GABRA4: variants seen among roughly 807,000 people sequenced by gnomAD.
GABRA4 encodes gamma-aminobutyric acid receptor subunit alpha-4.
Under a neutral mutation model 49.7 loss-of-function variants are expected in GABRA4, and 12 were observed. The observed-to-expected ratio is 0.24, with a 90% CI of 0.15 to 0.39. GABRA4 has a LOEUF of 0.39. Ranked by LOEUF, GABRA4 falls within the 10% of genes least tolerant of loss-of-function variation. The pLI is 1.00. For synonymous variants in GABRA4, 288 were observed against 240.2 expected (o/e 1.20, Z -1.84); for missense variants, 506 against 686.0 (o/e 0.74, Z 2.93).
At chr4:46,971,062 C>A in intron 7 of GABRA4, 21 bp downstream of exon 7, 1 of 1,594,428 alleles carries the variant, frequency 6.3e-7, no homozygotes, top group South Asian at 1.1e-5. Flanking sequence ...CAAAAACGCC[C>A]AAGAAATGAA....
intron 2 of GABRA4, among the ~76,000 whole-genome samples, chr4:46,983,062 G>T (rs1331137848): frequency 6.6e-6 from 1 of 152,004 alleles, no homozygotes; most frequent in Admixed American, 6.6e-5. Flanking sequence ...CTCCAAAGGC[G>T]CTATCCTCAT....
intron 8 of GABRA4, among the ~76,000 whole-genome samples, chr4:46,931,450 A>G (rs957745282): frequency 6.6e-6 from 1 of 152,124 alleles, no homozygotes; most frequent in Non-Finnish European, 1.5e-5. Flanking sequence ...GTTCTAGACC[A>G]GTATGCTTCT....
chr4:46,942,601 GGCGA>G (rs1217247995), intron 8 of GABRA4, among the ~76,000 whole-genome samples: 4 of 150,538 alleles, frequency 2.7e-5, no homozygotes, highest in Non-Finnish European at 5.9e-5. Flanking sequence ...CTCCAGCCTG[GGCGA>G]CAGAGTGAGA....
intron 2 of GABRA4, among the ~76,000 whole-genome samples, chr4:46,981,682 G>A (rs1249745154): frequency 6.6e-6 from 1 of 152,120 alleles, no homozygotes; most frequent in East Asian, 1.9e-4. Context: ...AGGGCAGTCA[G>A]AGTATAAATA....
chr4:46,929,602 G>A (rs1512137), intron 8 of GABRA4, among the ~76,000 whole-genome samples: 15,798 of 152,010 alleles, frequency 0.1, 972 homozygotes, highest in South Asian at 0.23. Context: ...AATATTGACA[G>A]CCACAATAAA....
chr4:46,971,722 A>G (rs1722954028), intron 6 of GABRA4, among the ~76,000 whole-genome samples: 1 of 150,754 alleles, frequency 6.6e-6, no homozygotes, highest in South Asian at 2.1e-4. Context: ...ATATAAATAT[A>G]TTTAAATTTC....
Position 46,993,015 on chromosome 4 carries a change from A to C in GABRA4, c.87-69T>G, listed in dbSNP as rs1211787111. 3.3e-6 allele frequency: 4 copies of C among 1,218,992 alleles called. No homozygotes were observed. In the African/African-American group the frequency reaches 4.5e-5, roughly 14 times the overall value. The allele number at this position is 1,218,992 out of a possible 1,614,324, so 75.5% of individuals were successfully genotyped here. On this transcript the variant is annotated intron_variant, in intron 1 of 8. Transcript: ENST00000264318. Reference sequence around the variant, plus strand: ...TAAGAATCCATCAGAGAACAGGTGCAAACAGGTTTGTTTTCTAGGGAAAGA... The same window carrying C: ...TAAGAATCCATCAGAGAACAGGTGCCAACAGGTTTGTTTTCTAGGGAAAGA...
chr4:46,989,826 G>A (rs1723680797), intron 2 of GABRA4, among the ~76,000 whole-genome samples: 1 of 152,168 alleles, frequency 6.6e-6, no homozygotes, highest in African/African-American at 2.4e-5. Flanking sequence ...TAGCCTACTA[G>A]TCAAAATCTG....
chr4:46,971,822 A>T (rs1050659976), intron 6 of GABRA4, among the ~76,000 whole-genome samples: 5 of 151,450 alleles, frequency 3.3e-5, no homozygotes, highest in African/African-American at 1.2e-4. Flanking sequence ...TGTTCTTTAT[A>T]TGAAGAAAAA....
chr4:46,984,370 T>C (rs1577795168), intron 2 of GABRA4, among the ~76,000 whole-genome samples: 1 of 152,198 alleles, frequency 6.6e-6, no homozygotes, highest in South Asian at 2.1e-4. Flanking sequence ...ATCTCTTTGC[T>C]TGTCATTTAC....
At chr4:46,972,627 T>G (rs1366972803) in intron 6 of GABRA4, among the ~76,000 whole-genome samples, 1 of 151,540 alleles carries the variant, frequency 6.6e-6, no homozygotes, top group East Asian at 1.9e-4. Flanking sequence ...AGACCTATTC[T>G]CTCAGCAAAT....
At chr4:46,929,484 A>G (rs1278721491) in intron 8 of GABRA4, among the ~76,000 whole-genome samples, 1 of 152,110 alleles carries the variant, frequency 6.6e-6, no homozygotes, top group African/African-American at 2.4e-5. Flanking sequence ...ATTAACCAAT[A>G]AAGAGTGATT....
intron 2 of GABRA4, among the ~76,000 whole-genome samples, chr4:46,983,216 T>C (rs531665964): frequency 6.6e-6 from 1 of 152,252 alleles, no homozygotes; most frequent in South Asian, 2.1e-4. Flanking sequence ...AAATTATTAA[T>C]TACTTAAGCA....
At chr4:46,980,746 A>G (rs1723329041) in intron 2 of GABRA4, among the ~76,000 whole-genome samples, 1 of 152,132 alleles carries the variant, frequency 6.6e-6, no homozygotes, top group South Asian at 2.1e-4. Flanking sequence ...TTCCAGGAAT[A>G]GCTAGGTAAT....
rs982460943 is a variant in GABRA4, at chr4:46,993,564, G to A, written c.-140C>T. ...ACACTCGCCCGCGCTCAGCCAGCCC[G>A]AGCCGCGGTGGGCGTGTGTGTGCAC... On this transcript the variant is annotated 5_prime_UTR_variant, in exon 1 of 9. Coordinates refer to ENST00000264318, the MANE Select transcript of GABRA4 (RefSeq NM_000809.4). 1.5e-5 allele frequency: 12 copies of A among 825,962 alleles called. No homozygotes were observed. Among genetic ancestry groups the A allele is most frequent in the Non-Finnish European group, 2.0e-5 (10 of 511,970 alleles). 51.2% of individuals were successfully genotyped at this position (825,962 alleles called of 1,614,324 possible).
chr4:46,963,539 A>G (rs1577774492), intron 8 of GABRA4, among the ~76,000 whole-genome samples: 1 of 151,722 alleles, frequency 6.6e-6, no homozygotes, highest in Admixed American at 6.6e-5. Context: ...TCCACCTCCC[A>G]CCATGATTCT....
intron 2 of GABRA4, among the ~76,000 whole-genome samples, chr4:46,981,491 C>A (rs1423482619): frequency 6.6e-6 from 1 of 152,082 alleles, no homozygotes; most frequent in Admixed American, 6.6e-5. Flanking sequence ...TCCTATGGAT[C>A]TTTGAGACTG....
At chr4:46,961,771 A>G (rs1370405033) in intron 8 of GABRA4, among the ~76,000 whole-genome samples, 1 of 151,824 alleles carries the variant, frequency 6.6e-6, no homozygotes, top group Non-Finnish European at 1.5e-5. Flanking sequence ...TGCTGGTTCA[A>G]AAAAGAAGCT....
At position 46,927,834 on chromosome 4, in the gene GABRA4, T is replaced by A. The variant is rs187727677; in HGVS notation, c.*391A>T. On this transcript the variant is annotated 3_prime_UTR_variant, in exon 9 of 9. Coordinates refer to ENST00000264318, the MANE Select transcript of GABRA4 (RefSeq NM_000809.4). The stretch of plus-strand genomic sequence containing the variant: ...ATGACATCTAATAAACAATTCTGGT[T>A]AAGGGTAGTGCCACTGGGAAATTTA... 1 of 169,584 alleles carries A rather than the reference T, an allele frequency of 5.9e-6. No individual in the cohort carries two copies. 10.5% of individuals were successfully genotyped at this position (169,584 alleles called of 1,614,324 possible).
Sources: allele counts gnomAD v4.1 joint callset (sites outside exome capture counted in the v4.1 genomes callset), GRCh38; gene constraint gnomAD v4.1.1; transcripts MANE v1.5; gene names NCBI Gene and HGNC (gene_info 2026-07-23, HGNC 2026-07-21).